The following PELI1 variants were observed in gnomAD, a reference collection of about 807,000 sequenced individuals.
PELI1 encodes the protein E3 ubiquitin-protein ligase pellino homolog 1.
In PELI1, 15 loss-of-function variants were observed where a neutral mutation model predicts 41.3. The observed-to-expected ratio is 0.36, with a 90% CI of 0.24 to 0.56. The LOEUF (loss-of-function observed/expected upper bound fraction) is 0.56. Among genes scored for constraint, PELI1 ranks in the 20% least tolerant of loss-of-function variants. The pLI is 0.82. For synonymous variants in PELI1, 178 were observed against 180.1 expected (o/e 0.99, Z 0.09); for missense variants, 403 against 525.5 (o/e 0.77, Z 2.28).
At chr2:64,131,050 C>T (rs963681492) in intron 1 of PELI1, among the ~76,000 whole-genome samples, 1 of 152,078 alleles carries the variant, frequency 6.6e-6, no homozygotes, top group African/African-American at 2.4e-5. Flanking sequence ...CTTCATAACC[C>T]TTTACTCCTA....
At chr2:64,137,877 T>C (rs1681769490) in intron 1 of PELI1, among the ~76,000 whole-genome samples, 1 of 152,198 alleles carries the variant, frequency 6.6e-6, no homozygotes, top group African/African-American at 2.4e-5. Flanking sequence ...AAAAAAAATT[T>C]TTTTTTCTAA....
intron 1 of PELI1, among the ~76,000 whole-genome samples, chr2:64,120,278 CCATATG>C (rs1352982485): frequency 2.0e-5 from 3 of 152,178 alleles, no homozygotes; most frequent in Admixed American, 6.5e-5. Context: ...CCAAATTTCC[CCATATG>C]CTGTCTCAGG....
intron 1 of PELI1, among the ~76,000 whole-genome samples, chr2:64,129,342 G>A (rs1681481857): frequency 6.6e-6 from 1 of 152,082 alleles, no homozygotes; most frequent in African/African-American, 2.4e-5. Flanking sequence ...CTTACTGTCA[G>A]AACAATCTTT....
intron 1 of PELI1, among the ~76,000 whole-genome samples, chr2:64,121,490 A>G (rs752054362): frequency 6.6e-6 from 1 of 152,258 alleles, no homozygotes. Flanking sequence ...CACTGAGAGT[A>G]TAAAAATTCC....
chr2:64,127,023 A>T (rs1681411516), intron 1 of PELI1, among the ~76,000 whole-genome samples: 1 of 152,214 alleles, frequency 6.6e-6, no homozygotes, highest in African/African-American at 2.4e-5. Context: ...AAAAAGTATG[A>T]CAATTATTAA....
At chr2:64,137,293 AT>A (rs1235524462) in intron 1 of PELI1, among the ~76,000 whole-genome samples, 38 of 152,298 alleles carry the variant, frequency 2.5e-4, no homozygotes, top group Middle Eastern at 3.4e-3. Context: ...TAAGAACCAG[AT>A]TCATCTCTTA....
At chr2:64,108,408 G>T in intron 1 of PELI1, 29 bp from the exon 2 acceptor site, 1 of 749,170 alleles carries the variant, frequency 1.3e-6, no homozygotes. Context: ...CATTAATAAT[G>T]TGAACAATTC....
intron 1 of PELI1, among the ~76,000 whole-genome samples, chr2:64,123,526 G>A (rs972809952): frequency 1.3e-5 from 2 of 152,226 alleles, no homozygotes; most frequent in South Asian, 4.1e-4. Flanking sequence ...CTCCAAAGAA[G>A]ATATACAAAT....
intron 4 of PELI1, among the ~76,000 whole-genome samples, chr2:64,097,351 G>A (rs1680276802): frequency 1.3e-5 from 2 of 152,154 alleles, no homozygotes; most frequent in Admixed American, 1.3e-4. Context: ...AGAGCCTAAG[G>A]GATCCTCTAG....
chr2:64,125,677 A>G (rs1681360559), intron 1 of PELI1, among the ~76,000 whole-genome samples: 1 of 152,198 alleles, frequency 6.6e-6, no homozygotes, highest in African/African-American at 2.4e-5. Context: ...AATAGCTAGA[A>G]GTCAAAATCT....
At chr2:64,113,945 A>T (rs1286839534) in intron 1 of PELI1, among the ~76,000 whole-genome samples, 2 of 152,104 alleles carry the variant, frequency 1.3e-5, no homozygotes, top group African/African-American at 2.4e-5. Context: ...CTTACTACCT[A>T]CTAAACACAA....
At position 64,104,812 on chromosome 2, in the gene PELI1, T is replaced by G. The variant is rs760380160; in HGVS notation, c.90A>C (p.Pro30=). The change falls in exon 3 of 7, where the codon CCA becomes CCC. Residue 30 remains proline, a synonymous_variant. Coordinates refer to ENST00000358912, the MANE Select transcript of PELI1 (RefSeq NM_020651.4). ...TTTTCCTCCTTCCTCTATCGCCATT[T>G]GGGAGAGACCCATTATACCTGATGG... ...LIVLGYNGSL[P]NGDRGRRKSR... 1.2e-6 allele frequency: 2 copies of G among 1,613,488 alleles called. No homozygotes were observed. Among genetic ancestry groups the G allele is most frequent in the African/African-American group, 2.7e-5 (2 of 74,882 alleles).
rs914851079 is a variant in PELI1, at chr2:64,093,523, A to G, written c.*1179T>C. The G allele has an allele frequency of 2.0e-5, 3 of 152,590 alleles. No individual in the cohort carries two copies. Among genetic ancestry groups the G allele is most frequent in the Admixed American group, 2.0e-4 (3 of 15,268 alleles). The allele number at this position is 152,590 out of a possible 1,614,324, so 9.5% of individuals were successfully genotyped here. On this transcript the variant is annotated 3_prime_UTR_variant, in exon 7 of 7. Coordinates refer to ENST00000358912, the MANE Select transcript of PELI1 (RefSeq NM_020651.4). The stretch of plus-strand genomic sequence containing the variant: ...CATATTGGAATTAGAGAATAAACAG[A>G]CCATGCAGTGCGTCACTCCACGCTG...
At chr2:64,109,810 G>C (rs1020168238) in intron 1 of PELI1, among the ~76,000 whole-genome samples, 1 of 152,190 alleles carries the variant, frequency 6.6e-6, no homozygotes, top group African/African-American at 2.4e-5. Flanking sequence ...GAAATTACTC[G>C]ATCTGAATAG....
In PELI1 at chr2:64,095,094, G is replaced by A; in HGVS notation, c.865C>T (p.Leu289=). Residue 289 remains leucine, a synonymous_variant, in exon 7 of 7, where the codon CTA becomes TTA. Coordinates refer to ENST00000358912, the MANE Select transcript of PELI1 (RefSeq NM_020651.4). ...TTCCTCTTCATACTAGGAAATGCTA[G>A]TGTGTTGAACCCTACAGGGCACTGA... The part of the protein sequence containing the change: ...RPQCPVGFNT[L]AFPSMKRKDV... 6.2e-7 allele frequency: 1 copy of A among 1,614,146 alleles called. No homozygotes were observed. Among genetic ancestry groups the A allele is most frequent in the South Asian group, 1.1e-5 (1 of 91,080 alleles).
At chr2:64,103,312 A>G (rs1331724856) in intron 3 of PELI1, among the ~76,000 whole-genome samples, 1 of 152,182 alleles carries the variant, frequency 6.6e-6, no homozygotes, top group Non-Finnish European at 1.5e-5. Context: ...GTGGTTTTCA[A>G]CCAGAGGTAG....
chr2:64,126,167 C>T (rs1360272402), intron 1 of PELI1, among the ~76,000 whole-genome samples: 2 of 151,730 alleles, frequency 1.3e-5, no homozygotes. Flanking sequence ...GGGCTGTGGT[C>T]TCCCTATTTT....
intron 1 of PELI1, among the ~76,000 whole-genome samples, chr2:64,121,030 CAG>C (rs1411599788): frequency 6.6e-6 from 1 of 152,212 alleles, no homozygotes; most frequent in Non-Finnish European, 1.5e-5. Flanking sequence ...TCCCCTGAAG[CAG>C]TTCTGTAAAT....
At chr2:64,140,759 A>G (rs1681876034) in intron 1 of PELI1, among the ~76,000 whole-genome samples, 1 of 146,186 alleles carries the variant, frequency 6.8e-6, no homozygotes, top group Non-Finnish European at 1.5e-5. Flanking sequence ...TGAAGGAAAA[A>G]TAGAAGTGAT....
Sources: allele counts gnomAD v4.1 joint callset (sites outside exome capture counted in the v4.1 genomes callset), GRCh38; gene constraint gnomAD v4.1.1; transcripts MANE v1.5; gene names NCBI Gene and HGNC (gene_info 2026-07-23, HGNC 2026-07-21).